Variants in ZMAT4 observed in about 807,000 individuals in gnomAD.
ZMAT4 encodes zinc finger matrin-type 4, also known as zinc finger matrin-type protein 4.
In ZMAT4, 17 loss-of-function variants were observed where a neutral mutation model predicts 28.7. That is an observed-to-expected ratio of 0.59 (90% CI 0.41 to 0.89). The LOEUF (loss-of-function observed/expected upper bound fraction) is 0.89, where lower values mean the gene tolerates loss of function less well. Ranked by LOEUF, ZMAT4 falls within the 40% of genes least tolerant of loss-of-function variation. The pLI is 0.00. For synonymous variants in ZMAT4, 117 were observed against 109.2 expected, an observed-to-expected ratio of 1.07 and a Z score of -0.44; for missense variants, 240 against 283.8, an observed-to-expected ratio of 0.85 and a Z score of 1.11.
At chr8:40,556,582 C>T (rs896402509) in intron 6 of ZMAT4, among the ~76,000 whole-genome samples, 11 of 152,086 alleles carry the variant, frequency 7.2e-5, no homozygotes, top group African/African-American at 2.7e-4. Context: ...CCTGCCTGGA[C>T]TACCTAAATA....
At chr8:40,709,889 T>A (rs1045574778) in intron 3 of ZMAT4, among the ~76,000 whole-genome samples, 1 of 151,840 alleles carries the variant, frequency 6.6e-6, no homozygotes, top group African/African-American at 2.4e-5. Flanking sequence ...ATAAAAAAAA[T>A]TAGCCGGGTG....
intron 4 of ZMAT4, among the ~76,000 whole-genome samples, chr8:40,681,837 T>G (rs4301441): frequency 0.17 from 25,085 of 151,976 alleles, 2,632 homozygotes; most frequent in East Asian, 0.46. Flanking sequence ...AGATGATAGA[T>G]TAAATAAATT....
chr8:40,667,554 G>A (rs1166933827), intron 5 of ZMAT4, among the ~76,000 whole-genome samples: 1 of 152,176 alleles, frequency 6.6e-6, no homozygotes, highest in Non-Finnish European at 1.5e-5. Context: ...CTCCACGTAA[G>A]CAGTTTGTCT....
chr8:40,565,421 T>C (rs2118486891), intron 6 of ZMAT4, among the ~76,000 whole-genome samples: 1 of 147,796 alleles, frequency 6.8e-6, no homozygotes, highest in Non-Finnish European at 1.5e-5. Context: ...TTTGTTCTTG[T>C]TGCCCTGGCT....
intron 1 of ZMAT4, among the ~76,000 whole-genome samples, chr8:40,851,925 C>T (rs1020345982): frequency 3.2e-4 from 49 of 152,216 alleles, no homozygotes; most frequent in African/African-American, 1.2e-3. Flanking sequence ...GAGATGGGGT[C>T]TCACTCTGTT....
chr8:40,759,699 C>T (rs1054751898), intron 3 of ZMAT4, among the ~76,000 whole-genome samples: 9 of 152,100 alleles, frequency 5.9e-5, no homozygotes, highest in African/African-American at 1.9e-4. Context: ...CTTGGTCGCG[C>T]CCCACCCACA....
At position 40,574,228 on chromosome 8, in the gene ZMAT4, G is replaced by A. The variant is rs148263644; in HGVS notation, c.674+6937C>T. On this transcript the variant is annotated intron_variant, in intron 6 of 6. Transcript: ENST00000297737. ...AAGAGTTAGTGTAGTTGATGTTGGT[G>A]TACACTAATATCAGAAAGGGTATAC... Among the ~76,000 whole-genome samples the A allele has an allele frequency of 8.6e-4, 131 of 152,108 alleles. 1 individual carries two copies. In the East Asian group the frequency reaches 0.02, roughly 23 times the overall value.
At chr8:40,539,649 A>G (rs550203657) in intron 6 of ZMAT4, among the ~76,000 whole-genome samples, 3 of 152,346 alleles carry the variant, frequency 2.0e-5, no homozygotes, top group African/African-American at 7.2e-5. Flanking sequence ...ATTAAATGAT[A>G]TAATGTAGAT....
At position 40,601,688 on chromosome 8, in the gene ZMAT4, GAAAGAAAGAAAGAAAGA is replaced by G. The variant is rs1805385321; in HGVS notation, c.578-20444_578-20428del. Among the ~76,000 whole-genome samples the G allele has an allele frequency of 1.0e-3, 31 of 30,510 alleles. 2 individuals are homozygous for G. The highest frequency in any genetic ancestry group is 3.2e-3 in the African/African-American group (31 of 9,680). The allele number at this position is 30,510 out of a possible 152,430, so 20.0% of individuals were successfully genotyped here. The stretch of plus-strand genomic sequence containing the variant: ...AGAAAGAAAGAAAGAAAGAAAGAAA[GAAAGAAAGAAAGAAAGA>G]AAAGAAAGAAAGAAAGAAAGAAAGA... On this transcript the variant is annotated intron_variant, in intron 5 of 6. Transcript: ENST00000297737.
In ZMAT4 at chr8:40,677,187, A is replaced by C. The variant is rs528946308; in HGVS notation, c.350-2256T>G. Among the ~76,000 whole-genome samples, 5 of 152,308 alleles carry C rather than the reference A, an allele frequency of 3.3e-5. No homozygotes were observed. The South Asian group carries it at 1.0e-3, about 32-fold the overall frequency. ...CCTGGTAGGAGTGAGGCACAATAGA[A>C]TATTCATCAAATAAGATAATCTTAT... On this transcript the variant is annotated intron_variant, in intron 4 of 6. Transcript: ENST00000297737.
At chr8:40,882,190 C>A (rs899012733) in intron 1 of ZMAT4, among the ~76,000 whole-genome samples, 2 of 152,156 alleles carry the variant, frequency 1.3e-5, no homozygotes, top group Admixed American at 1.3e-4. Flanking sequence ...TGATTCAGCT[C>A]AGGTTAGAGA....
chr8:40,815,425 G>T (rs949072671), intron 2 of ZMAT4, among the ~76,000 whole-genome samples: 1 of 152,166 alleles, frequency 6.6e-6, no homozygotes, highest in Non-Finnish European at 1.5e-5. Context: ...AGAGTCAAGG[G>T]TCTACACTGA....
chr8:40,720,482 G>A (rs942700017), intron 3 of ZMAT4, among the ~76,000 whole-genome samples: 1 of 149,820 alleles, frequency 6.7e-6, no homozygotes, highest in African/African-American at 2.4e-5. Context: ...TGCCCAGCTA[G>A]ATCACAGGCC....
chr8:40,543,655 A>G (rs536287256), intron 6 of ZMAT4, among the ~76,000 whole-genome samples: 1 of 152,332 alleles, frequency 6.6e-6, no homozygotes, highest in African/African-American at 2.4e-5. Flanking sequence ...TTAAGAAGAC[A>G]CTGGCCGTAT....
chr8:40,858,884 G>A (rs1817391883), intron 1 of ZMAT4, among the ~76,000 whole-genome samples: 1 of 152,034 alleles, frequency 6.6e-6, no homozygotes, highest in Non-Finnish European at 1.5e-5. Context: ...CCATTCCCTG[G>A]GAGACAAAAG....
At chr8:40,801,244 A>G (rs188862780) in intron 2 of ZMAT4, among the ~76,000 whole-genome samples, 51 of 151,304 alleles carry the variant, frequency 3.4e-4, no homozygotes, top group Non-Finnish European at 1.8e-4. Flanking sequence ...CAAAACAGAA[A>G]GCACCAGACG....
At chr8:40,861,374 T>C (rs1817484801) in intron 1 of ZMAT4, among the ~76,000 whole-genome samples, 1 of 152,194 alleles carries the variant, frequency 6.6e-6, no homozygotes, top group Admixed American at 6.5e-5. Flanking sequence ...TAGCCATATG[T>C]AGAAAGCTGA....
chr8:40,654,866 C>A (rs1329616476), intron 5 of ZMAT4, among the ~76,000 whole-genome samples: 2 of 152,116 alleles, frequency 1.3e-5, no homozygotes, highest in Admixed American at 1.3e-4. Context: ...TAATTAAAAG[C>A]TTCCTCCCTA....
rs1307193398 is a variant in ZMAT4, at chr8:40,720,523, C to CTT, written c.193-23124_193-23123dup. ...AAATATCAGCATGCCTGGGTAGAAT[C>CTT]TTTTTTTTTTTTTTTTTTTTTTGAG... On this transcript the variant is annotated intron_variant, in intron 3 of 6. Transcript: ENST00000297737. Among the ~76,000 whole-genome samples the CTT allele has an allele frequency of 4.9e-3, 555 of 112,988 alleles. 3 individuals are homozygous for CTT. Among genetic ancestry groups the CTT allele is most frequent in the African/African-American group, 6.9e-3 (209 of 30,106 alleles). The allele number at this position is 112,988 out of a possible 152,430, so 74.1% of individuals were successfully genotyped here.
Sources: gnomAD v4.1 joint callset for allele counts (sites outside exome capture counted in the v4.1 genomes callset) on GRCh38, gnomAD v4.1.1 for gene constraint, MANE v1.5 for transcripts, NCBI Gene and HGNC (gene_info 2026-07-23, HGNC 2026-07-21) for gene names.